The following TNS3 variants were observed in gnomAD, a reference collection of about 807,000 sequenced individuals.
TNS3 encodes the protein tensin-3.
Under a neutral mutation model 140.9 loss-of-function variants are expected in TNS3, and 45 were observed. The observed-to-expected ratio is 0.32, with a 90% CI of 0.25 to 0.41. The LOEUF (loss-of-function observed/expected upper bound fraction) is 0.41. Ranked by LOEUF, TNS3 falls within the 10% of genes least tolerant of loss-of-function variation. The pLI, the probability that TNS3 is intolerant of heterozygous loss-of-function variation, is 1.00. For synonymous variants in TNS3, 815 were observed against 788.4 expected, an observed-to-expected ratio of 1.03 and a Z score of -0.56; for missense variants, 1,716 against 1,906.7, an observed-to-expected ratio of 0.90 and a Z score of 1.86.
At chr7:47,484,895 C>A (rs1797553540) in intron 3 of TNS3, among the ~76,000 whole-genome samples, 1 of 152,232 alleles carries the variant, frequency 6.6e-6, no homozygotes, top group Non-Finnish European at 1.5e-5. Context: ...GTGGGCTTGG[C>A]CTTCCTCGGC....
intron 17 of TNS3, among the ~76,000 whole-genome samples, chr7:47,348,326 T>C (rs779394347): frequency 6.6e-6 from 1 of 152,180 alleles, no homozygotes; most frequent in Non-Finnish European, 1.5e-5. Flanking sequence ...GCAGCTGGCC[T>C]CAAGGGAAAT....
chr7:47,443,935 C>CA (rs1001470053), intron 4 of TNS3, among the ~76,000 whole-genome samples: 10 of 150,212 alleles, frequency 6.7e-5, no homozygotes, highest in Non-Finnish European at 1.2e-4. Flanking sequence ...AAATAAACAA[C>CA]AAAAAAAAAG....
rs541993652 is a variant in TNS3, at chr7:47,401,147, T to C, written c.724-233A>G. On this transcript the variant is annotated intron_variant, in intron 13 of 30. Transcript: ENST00000311160. ...TGGGTGCGGGGCTCCACTGGAGGCT[T>C]CAATGTGTTCCCTGTGCTGCTCCTG... Among the ~76,000 whole-genome samples the C allele has an allele frequency of 1.3e-3, 204 of 152,310 alleles. 2 individuals are homozygous for C. The highest frequency in any genetic ancestry group is 1.9e-3 in the Non-Finnish European group (132 of 68,026).
chr7:47,327,100 C>A (rs1170172972), intron 20 of TNS3, among the ~76,000 whole-genome samples: 2 of 152,194 alleles, frequency 1.3e-5, no homozygotes, highest in Non-Finnish European at 2.9e-5. Context: ...AGGCGCCAGC[C>A]CTGCCCGTGC....
chr7:47,377,929 T>C (rs1791505598), intron 16 of TNS3, among the ~76,000 whole-genome samples: 1 of 152,184 alleles, frequency 6.6e-6, no homozygotes, highest in Non-Finnish European at 1.5e-5. Context: ...GACATTTCCA[T>C]TGGAGTGATT....
At position 47,416,120 on chromosome 7, in the gene TNS3, C is replaced by T. The variant is rs908181089; in HGVS notation, c.474-914G>A. 6.9e-4 allele frequency among the ~76,000 whole-genome samples: 105 copies of T among 152,238 alleles called. 1 individual carries two copies. Among genetic ancestry groups the T allele is most frequent in the Non-Finnish European group, 1.8e-4 (12 of 68,044 alleles). On this transcript the variant is annotated intron_variant, in intron 10 of 30. Coordinates refer to ENST00000311160, the MANE Select transcript of TNS3 (RefSeq NM_022748.12). ...ACACCTTGCATGGAATCTGTGTTTC[C>T]ATATCTGTCTCCACCAAAGTACTGT...
intron 6 of TNS3, among the ~76,000 whole-genome samples, chr7:47,438,386 A>C (rs942866796): frequency 6.6e-6 from 1 of 151,792 alleles, no homozygotes; most frequent in Non-Finnish European, 1.5e-5. Flanking sequence ...GGATGGCCAG[A>C]GAGGAGACTC....
At chr7:47,358,285 G>C (rs1344785679) in intron 17 of TNS3, among the ~76,000 whole-genome samples, 5 of 152,008 alleles carry the variant, frequency 3.3e-5, no homozygotes, top group African/African-American at 1.2e-4. Flanking sequence ...CTACAGGCAC[G>C]TGCCACCATG....
chr7:47,577,142 G>T (rs1455799614), intron 1 of TNS3, among the ~76,000 whole-genome samples: 2 of 152,202 alleles, frequency 1.3e-5, no homozygotes, highest in African/African-American at 4.8e-5. Flanking sequence ...GCATGGCCTG[G>T]CTAGGAGTGG....
chr7:47,347,696 ACCTTCCACCTCTT>A, intron 17 of TNS3, among the ~76,000 whole-genome samples: 1 of 152,236 alleles, frequency 6.6e-6, no homozygotes, highest in East Asian at 1.9e-4. Context: ...CTTCCAAGCA[ACCTTCCACCTCTT>A]CCTTCCATCC....
rs554050598 is a variant in TNS3, at chr7:47,294,663, C to T, written c.3677-835G>A. ...AGATCCACTGGAGTTGGGCTTGGTC[C>T]CCAGTGCCTTGCCCACAGTAGGCTT... On this transcript the variant is annotated intron_variant, in intron 24 of 30. Coordinates refer to ENST00000311160, the MANE Select transcript of TNS3 (RefSeq NM_022748.12). 2.6e-5 allele frequency among the ~76,000 whole-genome samples: 4 copies of T among 152,302 alleles called. 1 individual carries two copies. In the South Asian group the frequency reaches 8.3e-4, roughly 32 times the overall value.
At chr7:47,458,703 C>G (rs191469385) in intron 4 of TNS3, among the ~76,000 whole-genome samples, 1 of 152,146 alleles carries the variant, frequency 6.6e-6, no homozygotes, top group African/African-American at 2.4e-5. Context: ...GCTTGCAGCT[C>G]GGGAGTCAGA....
intron 1 of TNS3, chr7:47,579,938 T>C (rs1433092116): frequency 3.0e-6 from 2 of 671,194 alleles, no homozygotes; most frequent in Non-Finnish European, 3.7e-6. Flanking sequence ...CTCCTGCCCT[T>C]TATTTCCAGA....
At chr7:47,389,427 G>T (rs1046211149) in intron 16 of TNS3, among the ~76,000 whole-genome samples, 11 of 152,164 alleles carry the variant, frequency 7.2e-5, no homozygotes, top group African/African-American at 2.7e-4. Flanking sequence ...TGTCCCAGGG[G>T]GTGATGCTAC....
intron 3 of TNS3, among the ~76,000 whole-genome samples, chr7:47,495,230 T>C (rs558893720): frequency 1.3e-5 from 2 of 149,730 alleles, no homozygotes; most frequent in Admixed American, 6.6e-5. Flanking sequence ...CTTCTCCCCA[T>C]GGAACGTGAA....
chr7:47,480,121 A>G (rs993731374), intron 4 of TNS3, among the ~76,000 whole-genome samples: 1 of 152,252 alleles, frequency 6.6e-6, no homozygotes, highest in Admixed American at 6.5e-5. Context: ...AGACAGAGCC[A>G]GTTAGCCAGT....
At chr7:47,518,748 C>T (rs1204249616) in intron 2 of TNS3, among the ~76,000 whole-genome samples, 7 of 152,212 alleles carry the variant, frequency 4.6e-5, no homozygotes, top group Non-Finnish European at 8.8e-5. Flanking sequence ...GCATGGTTCA[C>T]GTGCTCAGAC....
intron 8 of TNS3, among the ~76,000 whole-genome samples, chr7:47,428,776 C>A (rs1024725804): frequency 3.3e-5 from 5 of 152,254 alleles, no homozygotes; most frequent in African/African-American, 1.2e-4. Context: ...ATGATCAGGG[C>A]TGCAAACACA....
At chr7:47,321,945 T>C (rs143396855) in intron 20 of TNS3, among the ~76,000 whole-genome samples, 4 of 152,206 alleles carry the variant, frequency 2.6e-5, no homozygotes, top group African/African-American at 7.2e-5. Context: ...CTCCTGCCCA[T>C]CATCCACCAA....
Sources: gnomAD v4.1 joint callset for allele counts (sites outside exome capture counted in the v4.1 genomes callset) on GRCh38, gnomAD v4.1.1 for gene constraint, MANE v1.5 for transcripts, NCBI Gene and HGNC (gene_info 2026-07-23, HGNC 2026-07-21) for gene names.